The following RBFOX1 variants were observed in gnomAD, a reference collection of about 807,000 sequenced individuals.
RBFOX1 encodes RNA binding fox-1 homolog 1.
In RBFOX1, 8 loss-of-function variants were observed where a neutral mutation model predicts 57.7. That is an observed-to-expected ratio of 0.14 (90% CI 0.08 to 0.25). The LOEUF (loss-of-function observed/expected upper bound fraction) is 0.25, where lower values mean the gene tolerates loss of function less well. RBFOX1 is among the 10% of genes least tolerant of loss of function. The pLI is 1.00. For missense variants in RBFOX1, 611 were observed against 548.5 expected (o/e 1.11, Z -1.14); for synonymous variants, 326 against 222.4 (o/e 1.47, Z -4.15).
chr16:5,596,809 C>A (rs765542444), intron 2 of RBFOX1, among the ~76,000 whole-genome samples: 2 of 152,192 alleles, frequency 1.3e-5, no homozygotes, highest in Non-Finnish European at 2.9e-5. Flanking sequence ...CTGCATCATC[C>A]TCCTCCCCCT....
chr16:5,991,785 G>A (rs1183228748), intron 4 of RBFOX1, among the ~76,000 whole-genome samples: 4 of 151,846 alleles, frequency 2.6e-5, no homozygotes, highest in Non-Finnish European at 4.4e-5. Context: ...AATGTTGCCT[G>A]GGATTGATAA....
chr16:5,659,960 A>G (rs909204753), intron 3 of RBFOX1, among the ~76,000 whole-genome samples: 1 of 152,210 alleles, frequency 6.6e-6, no homozygotes, highest in African/African-American at 2.4e-5. Flanking sequence ...GCATCAATTG[A>G]TAAATCACAG....
intron 4 of RBFOX1, among the ~76,000 whole-genome samples, chr16:7,290,213 C>T (rs2095740949): frequency 6.6e-6 from 1 of 152,080 alleles, no homozygotes; most frequent in Non-Finnish European, 1.5e-5. Flanking sequence ...ATCGTAAAGG[C>T]AATTAGTGAG....
chr16:6,391,570 T>C (rs2092606166), intron 2 of RBFOX1, among the ~76,000 whole-genome samples: 1 of 152,056 alleles, frequency 6.6e-6, no homozygotes, highest in African/African-American at 2.4e-5. Flanking sequence ...AAGATCATTC[T>C]ATTTGCTGTA....
Position 5,299,036 on chromosome 16 carries a change from A to T in RBFOX1, c.219+58931A>T, listed in dbSNP as rs375836074. Among the ~76,000 whole-genome samples, 27 of 144,782 alleles carry T rather than the reference A, an allele frequency of 1.9e-4. No homozygotes were observed. The East Asian group carries it at 4.5e-3, about 24-fold the overall frequency. The allele number at this position is 144,782 out of a possible 152,430, so 95.0% of individuals were successfully genotyped here. A position where few individuals can be genotyped will look rare whatever the true frequency, so the allele number is the denominator to read the frequency against. ...ACAACCATCATGCCAAACAAAATTT[A>T]GAATGTTTCTATGGCCCTGGAAAAT... On this transcript the variant is annotated intron_variant, in intron 1 of 2. Coordinates refer to the RBFOX1 transcript ENST00000585867.
intron 4 of RBFOX1, among the ~76,000 whole-genome samples, chr16:7,125,616 A>T (rs762578524): frequency 6.6e-6 from 1 of 152,206 alleles, no homozygotes; most frequent in Non-Finnish European, 1.5e-5. Flanking sequence ...TCGCAATAAT[A>T]TAGAAGATGG....
At chr16:7,120,815 T>TTTTA (rs2066952336) in intron 4 of RBFOX1, among the ~76,000 whole-genome samples, 2 of 113,590 alleles carry the variant, frequency 1.8e-5, no homozygotes. Flanking sequence ...ATGTAATATT[T>TTTTA]TATATATGTA....
chr16:5,406,636 G>A (rs1277769808), intron 1 of RBFOX1, among the ~76,000 whole-genome samples: 1 of 152,024 alleles, frequency 6.6e-6, no homozygotes, highest in Admixed American at 6.6e-5. Context: ...ATGCATGCAT[G>A]TGTGTATATA....
intron 4 of RBFOX1, among the ~76,000 whole-genome samples, chr16:7,123,626 G>C (rs1405497189): frequency 6.6e-6 from 1 of 152,102 alleles, no homozygotes; most frequent in African/African-American, 2.4e-5. Context: ...CAACTTCTCA[G>C]AGTGCTGGGA....
chr16:6,237,140 A>C (rs1157325751), intron 1 of RBFOX1, among the ~76,000 whole-genome samples: 2 of 152,166 alleles, frequency 1.3e-5, no homozygotes, highest in African/African-American at 2.4e-5. Context: ...ATCTTACTGG[A>C]AGTCCCTAAA....
At chr16:6,003,931 C>A (rs930508086) in intron 4 of RBFOX1, among the ~76,000 whole-genome samples, 5 of 152,178 alleles carry the variant, frequency 3.3e-5, no homozygotes, top group Non-Finnish European at 5.9e-5. Flanking sequence ...TATGAAGTCT[C>A]CTGACTTTGA....
intron 4 of RBFOX1, among the ~76,000 whole-genome samples, chr16:7,180,361 C>G (rs1373894225): frequency 6.6e-6 from 1 of 152,212 alleles, no homozygotes; most frequent in South Asian, 2.1e-4. Flanking sequence ...AGATACCACA[C>G]ACAAGAAAGG....
At chr16:7,304,888 A>G (rs12051021) in intron 4 of RBFOX1, among the ~76,000 whole-genome samples, 11,368 of 150,458 alleles carry the variant, frequency 0.076, 684 homozygotes, top group South Asian at 0.23. Context: ...TAGAGAGTGG[A>G]AAGGAGAAGT....
chr16:6,355,463 C>G (rs1385161052), intron 2 of RBFOX1, among the ~76,000 whole-genome samples: 1 of 152,146 alleles, frequency 6.6e-6, no homozygotes, highest in African/African-American at 2.4e-5. Flanking sequence ...AGGACATGAA[C>G]TCATCCTTTT....
chr16:6,879,066 T>G (rs1006389606), intron 3 of RBFOX1, among the ~76,000 whole-genome samples: 2 of 152,218 alleles, frequency 1.3e-5, no homozygotes, highest in African/African-American at 4.8e-5. Flanking sequence ...GCCCACTCTT[T>G]TAAGAAGTTT....
intron 12 of RBFOX1, among the ~76,000 whole-genome samples, chr16:7,664,026 C>T (rs2068512756): frequency 6.6e-6 from 1 of 152,174 alleles, no homozygotes; most frequent in Non-Finnish European, 1.5e-5. Context: ...AATCAGAGAG[C>T]TGCTATCAGA....
intron 3 of RBFOX1, among the ~76,000 whole-genome samples, chr16:6,982,861 C>T (rs181441506): frequency 5.6e-4 from 85 of 151,928 alleles, no homozygotes; most frequent in Admixed American, 5.1e-3. Flanking sequence ...GGCATGGTGG[C>T]GGATGCCTGT....
chr16:7,296,782 G>C (rs2095901456), intron 4 of RBFOX1, among the ~76,000 whole-genome samples: 1 of 152,104 alleles, frequency 6.6e-6, no homozygotes, highest in African/African-American at 2.4e-5. Context: ...ATCCACAATA[G>C]CTTTAGACAT....
At chr16:5,481,287 T>A (rs1470874634) in intron 2 of RBFOX1, among the ~76,000 whole-genome samples, 1 of 152,200 alleles carries the variant, frequency 6.6e-6, no homozygotes, top group Admixed American at 6.5e-5. Context: ...ATGTCTGGTT[T>A]CTTGTTGACA....
Sources: allele counts gnomAD v4.1 joint callset (sites outside exome capture counted in the v4.1 genomes callset), GRCh38; gene constraint gnomAD v4.1.1; transcripts MANE v1.5; gene names NCBI Gene and HGNC (gene_info 2026-07-23, HGNC 2026-07-21).